Variants in SPOCK1 observed in about 807,000 individuals in gnomAD.
The protein encoded by SPOCK1 is SPARC (osteonectin), cwcv and kazal like domains proteoglycan 1.
A neutral mutation model predicts 55.3 loss-of-function variants in SPOCK1; 23 were observed. The observed-to-expected ratio is 0.42, with a 90% confidence interval of 0.30 to 0.59. SPOCK1 has a LOEUF of 0.59. Among genes scored for constraint, SPOCK1 ranks in the 20% least tolerant of loss-of-function variants. The pLI is 0.22. For synonymous variants in SPOCK1, 226 were observed against 221.0 expected (o/e 1.02, Z -0.20); for missense variants, 499 against 552.5 (o/e 0.90, Z 0.97).
intron 3 of SPOCK1, among the ~76,000 whole-genome samples, chr5:137,165,139 T>A (rs1350915478): frequency 6.6e-6 from 1 of 152,218 alleles, no homozygotes; most frequent in Non-Finnish European, 1.5e-5. Context: ...TGGCTTCACA[T>A]CTGACCCAGT....
intron 3 of SPOCK1, among the ~76,000 whole-genome samples, chr5:137,165,694 T>C (rs1580785910): frequency 6.6e-6 from 1 of 152,148 alleles, no homozygotes; most frequent in Admixed American, 6.5e-5. Flanking sequence ...GAATTCTATC[T>C]GATAAATTTA....
At chr5:137,468,105 A>G (rs1245942219) in intron 2 of SPOCK1, among the ~76,000 whole-genome samples, 1 of 152,112 alleles carries the variant, frequency 6.6e-6, no homozygotes, top group Non-Finnish European at 1.5e-5. Context: ...ATGAGATCTC[A>G]CTCCAATGGA....
intron 2 of SPOCK1, among the ~76,000 whole-genome samples, chr5:137,363,931 A>G (rs1234522402): frequency 6.6e-6 from 1 of 152,198 alleles, no homozygotes; most frequent in Admixed American, 6.5e-5. Context: ...CTCTGCAGGA[A>G]GCAGGGTGGA....
chr5:137,299,922 G>A (rs146624440), intron 2 of SPOCK1, among the ~76,000 whole-genome samples: 15 of 152,220 alleles, frequency 9.9e-5, no homozygotes, highest in African/African-American at 3.4e-4. Context: ...TGAGCTTGCT[G>A]TATCTATAAA....
At position 136,978,218 on chromosome 5, in the gene SPOCK1, A is replaced by C; in HGVS notation, c.*436T>G. 3.1e-6 allele frequency: 1 copy of C among 321,732 alleles called. No individual in the cohort carries two copies. The highest frequency in any genetic ancestry group is 5.6e-6 in the Non-Finnish European group (1 of 178,274). 19.9% of individuals were successfully genotyped at this position (321,732 alleles called of 1,614,324 possible). ...TTTTTGTTTTTTTCTTTTTCACAAC[A>C]TCTACAGGACACAAGAGAAGCACTT... On this transcript the variant is annotated 3_prime_UTR_variant, in exon 11 of 11. Transcript: ENST00000394945.
intron 2 of SPOCK1, among the ~76,000 whole-genome samples, chr5:137,311,626 A>G (rs535824424): frequency 6.6e-6 from 1 of 152,324 alleles, no homozygotes; most frequent in East Asian, 1.9e-4. Context: ...ACATAAGCAC[A>G]TGTGTACACT....
chr5:136,982,010 C>T (rs950070249), intron 9 of SPOCK1, among the ~76,000 whole-genome samples: 1 of 152,120 alleles, frequency 6.6e-6, no homozygotes, highest in African/African-American at 2.4e-5. Flanking sequence ...AAAAATAATT[C>T]CCATTGTGTT....
At chr5:137,453,897 C>T (rs1753311565) in intron 2 of SPOCK1, among the ~76,000 whole-genome samples, 1 of 151,856 alleles carries the variant, frequency 6.6e-6, no homozygotes, top group African/African-American at 2.4e-5. Flanking sequence ...TAGTGGAGTC[C>T]CCTTATTCCC....
intron 2 of SPOCK1, among the ~76,000 whole-genome samples, chr5:137,384,587 T>TGTAC (rs1491337279): frequency 1.4e-5 from 1 of 70,838 alleles, no homozygotes; most frequent in African/African-American, 4.4e-5. Context: ...TATGTATGTA[T>TGTAC]TTTTTTTTCC....
Position 136,976,586 on chromosome 5 carries a change from T to G in SPOCK1, c.*2068A>C, listed in dbSNP as rs184667517. ...GATGATCTAAAGTGAGATTTTACAA[T>G]GTCGTGATTTTTAATATACTTCATA... On this transcript the variant is annotated 3_prime_UTR_variant, in exon 11 of 11. Transcript: ENST00000394945. The G allele has an allele frequency of 7.1e-3, 1,080 of 152,738 alleles. 10 individuals are homozygous for G. Among genetic ancestry groups the G allele is most frequent in the Non-Finnish European group, 9.6e-3 (653 of 68,018 alleles). The allele number at this position is 152,738 out of a possible 1,614,324, so 9.5% of individuals were successfully genotyped here. A position where few individuals can be genotyped will look rare whatever the true frequency, so the allele number is the denominator to read the frequency against.
chr5:137,099,136 T>A (rs1326306313), intron 5 of SPOCK1, among the ~76,000 whole-genome samples: 6 of 152,236 alleles, frequency 3.9e-5, no homozygotes, highest in African/African-American at 1.2e-4. Flanking sequence ...ATTTGAAAAG[T>A]GTCACCTCCA....
intron 5 of SPOCK1, among the ~76,000 whole-genome samples, chr5:137,102,217 G>C (rs926875022): frequency 6.6e-6 from 1 of 152,128 alleles, no homozygotes. Context: ...GACCAGAGCA[G>C]GCCAACCATA....
chr5:137,017,522 G>A (rs1446413827), intron 6 of SPOCK1, among the ~76,000 whole-genome samples: 3 of 152,118 alleles, frequency 2.0e-5, no homozygotes, highest in Non-Finnish European at 4.4e-5. Flanking sequence ...CTATAATATT[G>A]CAAGATTCTT....
In SPOCK1 at chr5:137,126,409, A is replaced by G. The variant is rs187898721; in HGVS notation, c.348-13848T>C. 2.2e-4 allele frequency among the ~76,000 whole-genome samples: 33 copies of G among 152,346 alleles called. 1 individual carries two copies. In the Middle Eastern group the frequency reaches 0.02, roughly 94 times the overall value. On this transcript the variant is annotated intron_variant, in intron 4 of 10. Coordinates refer to ENST00000394945, the MANE Select transcript of SPOCK1 (RefSeq NM_004598.4). ...TGTTCCTTCATAGCAACACAAACAT[A>G]TTAAGATAGCAAAGGCCATTCTGAT...
intron 2 of SPOCK1, among the ~76,000 whole-genome samples, chr5:137,491,939 A>G (rs946667413): frequency 1.3e-5 from 2 of 152,224 alleles, no homozygotes; most frequent in Non-Finnish European, 2.9e-5. Flanking sequence ...TGATATTAAT[A>G]AAAAGAATAG....
chr5:137,451,318 T>C (rs1753250805), intron 2 of SPOCK1, among the ~76,000 whole-genome samples: 1 of 152,194 alleles, frequency 6.6e-6, no homozygotes, highest in African/African-American at 2.4e-5. Context: ...TTTTTCAAAG[T>C]GACTGTCACA....
chr5:137,404,149 C>T (rs1050944190), intron 2 of SPOCK1, among the ~76,000 whole-genome samples: 15 of 152,076 alleles, frequency 9.9e-5, no homozygotes, highest in African/African-American at 2.9e-4. Flanking sequence ...AACTCAAATG[C>T]GCATATGTGG....
intron 2 of SPOCK1, among the ~76,000 whole-genome samples, chr5:137,381,180 C>T (rs572564418): frequency 5.3e-4 from 81 of 152,326 alleles, no homozygotes; most frequent in African/African-American, 1.9e-3. Flanking sequence ...CCATGTCTCA[C>T]ATCCAGGCCA....
chr5:137,235,692 A>C (rs573535611), intron 3 of SPOCK1, among the ~76,000 whole-genome samples: 2 of 152,384 alleles, frequency 1.3e-5, no homozygotes, highest in South Asian at 4.1e-4. Context: ...TGAATGCCAC[A>C]GTGTGGCAGA....
Sources: gnomAD v4.1 joint callset for allele counts (sites outside exome capture counted in the v4.1 genomes callset) on GRCh38, gnomAD v4.1.1 for gene constraint, MANE v1.5 for transcripts, NCBI Gene and HGNC (gene_info 2026-07-23, HGNC 2026-07-21) for gene names.